The following SLC35F2 variants were observed in gnomAD, a reference collection of about 807,000 sequenced individuals.
The protein encoded by SLC35F2 is queuine/queuosine transporter SLC35F2.
Under a neutral mutation model 38.1 loss-of-function variants are expected in SLC35F2, and 25 were observed. The observed-to-expected ratio is 0.66, with a 90% CI of 0.48 to 0.92. SLC35F2 has a LOEUF of 0.92. Ranked by LOEUF, SLC35F2 falls within the 40% of genes least tolerant of loss-of-function variation. The pLI, the probability that SLC35F2 is intolerant of heterozygous loss-of-function variation, is 0.00. For synonymous variants in SLC35F2, 173 were observed against 181.7 expected, an observed-to-expected ratio of 0.95 and a Z score of 0.38; for missense variants, 409 against 452.9, an observed-to-expected ratio of 0.90 and a Z score of 0.88.
chr11:107,831,678 G>A (rs1416679909), intron 1 of SLC35F2, among the ~76,000 whole-genome samples: 2 of 152,180 alleles, frequency 1.3e-5, no homozygotes, highest in East Asian at 3.8e-4. Flanking sequence ...GTTGTCTTGT[G>A]ACCATCTGTC....
At chr11:107,841,391 T>C (rs1860010362) in intron 1 of SLC35F2, among the ~76,000 whole-genome samples, 1 of 151,940 alleles carries the variant, frequency 6.6e-6, no homozygotes. Context: ...GGTGAAACCC[T>C]GTCTCTACTA....
intron 1 of SLC35F2, among the ~76,000 whole-genome samples, chr11:107,819,345 G>C (rs1280572750): frequency 4.6e-5 from 7 of 152,186 alleles, no homozygotes; most frequent in Non-Finnish European, 1.0e-4. Flanking sequence ...GGAAGGTGAT[G>C]ATGTCAAGAA....
chr11:107,829,137 G>GA lies in SLC35F2; in HGVS notation c.111-13173dup, dbSNP rs145609131. Among the ~76,000 whole-genome samples, 1,413 of 128,586 alleles carry GA rather than the reference G, an allele frequency of 0.011. 42 individuals are homozygous for GA. In the East Asian group the frequency reaches 0.13, roughly 12 times the overall value. 84.4% of individuals were successfully genotyped at this position (128,586 alleles called of 152,430 possible). A position where few individuals can be genotyped will look rare whatever the true frequency, so the allele number is the denominator to read the frequency against. On this transcript the variant is annotated intron_variant, in intron 1 of 7. Transcript: ENST00000525815. ...GGAGGTCAGTAGGAAAAAAAAAAAA[G>GA]AAAAAAAAAAAAAGCTCACACCTGT...
At chr11:107,831,127 G>A (rs186861224) in intron 1 of SLC35F2, among the ~76,000 whole-genome samples, 13 of 152,158 alleles carry the variant, frequency 8.5e-5, no homozygotes, top group South Asian at 6.2e-4. Context: ...AAATGCCACC[G>A]GAGAAAGCTG....
chr11:107,824,539 C>T (rs748563749), intron 1 of SLC35F2, among the ~76,000 whole-genome samples: 4 of 152,180 alleles, frequency 2.6e-5, no homozygotes, highest in African/African-American at 7.2e-5. Context: ...GTAGAGAGTG[C>T]AATTTGGATG....
chr11:107,832,897 T>G (rs564966554), intron 1 of SLC35F2, among the ~76,000 whole-genome samples: 1 of 152,182 alleles, frequency 6.6e-6, no homozygotes, highest in Non-Finnish European at 1.5e-5. Context: ...CAACTCCTCA[T>G]GTTTAATCCT....
intron 7 of SLC35F2, among the ~76,000 whole-genome samples, chr11:107,793,578 A>G (rs892683836): frequency 6.6e-6 from 1 of 152,166 alleles, no homozygotes; most frequent in Non-Finnish European, 1.5e-5. Context: ...GTGCTATTCA[A>G]TGAAATTCAT....
intron 6 of SLC35F2, among the ~76,000 whole-genome samples, chr11:107,803,816 GTTATTT>G (rs1052183925): frequency 1.7e-5 from 2 of 115,062 alleles, no homozygotes; most frequent in Admixed American, 9.1e-5. Flanking sequence ...AGCAATCTAA[GTTATTT>G]TTATTTTTAT....
Position 107,792,364 on chromosome 11 carries a change from C to T in SLC35F2, c.*251G>A. ...CTCTAAGACCCCAGTGTGGAGTCTG[C>T]ACCTCATCTCCTCAACACGAACAGA... On this transcript the variant is annotated 3_prime_UTR_variant, in exon 8 of 8. Transcript: ENST00000525815. 1 of 373,924 alleles carries T rather than the reference C, an allele frequency of 2.7e-6. No homozygotes were observed. The highest frequency in any genetic ancestry group is 4.8e-6 in the Non-Finnish European group (1 of 208,708). 23.2% of individuals were successfully genotyped at this position (373,924 alleles called of 1,614,324 possible).
At chr11:107,794,855 G>C (rs75274540) in intron 7 of SLC35F2, among the ~76,000 whole-genome samples, 2,754 of 152,280 alleles carry the variant, frequency 0.018, 65 homozygotes, top group East Asian at 0.1. Flanking sequence ...ATTAGGTAAA[G>C]TTGTAGGATA....
intron 2 of SLC35F2, 54 bp from the exon 3 acceptor site, chr11:107,811,848 T>A: frequency 6.7e-7 from 1 of 1,501,304 alleles, no homozygotes; most frequent in East Asian, 2.3e-5. Flanking sequence ...ATACCATACA[T>A]GTTGATTTGA....
chr11:107,848,810 T>C (rs1860134194), intron 1 of SLC35F2, among the ~76,000 whole-genome samples: 1 of 152,164 alleles, frequency 6.6e-6, no homozygotes, highest in Non-Finnish European at 1.5e-5. Context: ...TATCCCCTAC[T>C]TGTTTCCCAT....
At chr11:107,841,400 T>C (rs367886021) in intron 1 of SLC35F2, among the ~76,000 whole-genome samples, 16 of 151,914 alleles carry the variant, frequency 1.1e-4, no homozygotes, top group South Asian at 4.2e-4. Flanking sequence ...CTGTCTCTAC[T>C]AAAAATACAA....
Position 107,792,818 on chromosome 11 carries a change from G to A in SLC35F2, c.940-18C>T, listed in dbSNP as rs1859154275. 2 of 1,542,068 alleles carry A rather than the reference G, an allele frequency of 1.3e-6. No homozygotes were observed. The highest frequency in any genetic ancestry group is 1.8e-6 in the Non-Finnish European group (2 of 1,140,382). ...CCTGAAAACTAGAAGGGAAGAACAG[G>A]CAGTGAATTGTGCCCCTCACATACA... On this transcript the variant is annotated intron_variant, in intron 7 of 7. Coordinates refer to ENST00000525815, the MANE Select transcript of SLC35F2 (RefSeq NM_017515.5).
At chr11:107,799,042 C>T (rs529221579) in intron 7 of SLC35F2, among the ~76,000 whole-genome samples, 3 of 152,334 alleles carry the variant, frequency 2.0e-5, no homozygotes, top group South Asian at 2.1e-4. Context: ...CACCACTGCA[C>T]TCCAGCCTGG....
intron 1 of SLC35F2, among the ~76,000 whole-genome samples, chr11:107,818,588 C>T (rs145726442): frequency 0.013 from 1,924 of 152,136 alleles, 18 homozygotes; most frequent in Middle Eastern, 0.02. Context: ...TTTATACAGG[C>T]GGCATCATAC....
chr11:107,800,323 C>T (rs1390920271), intron 7 of SLC35F2, among the ~76,000 whole-genome samples: 1 of 152,074 alleles, frequency 6.6e-6, no homozygotes, highest in Non-Finnish European at 1.5e-5. Flanking sequence ...AAGGTTTACA[C>T]TCCTTAAGCA....
At chr11:107,820,356 T>A (rs571582288) in intron 1 of SLC35F2, among the ~76,000 whole-genome samples, 194 of 150,474 alleles carry the variant, frequency 1.3e-3, no homozygotes, top group African/African-American at 4.4e-3. Flanking sequence ...CTTCCTCTCT[T>A]CCCTGGAAGT....
At chr11:107,825,434 C>A (rs1964681) in intron 1 of SLC35F2, among the ~76,000 whole-genome samples, 6 of 148,204 alleles carry the variant, frequency 4.0e-5, no homozygotes, top group Non-Finnish European at 8.9e-5. Flanking sequence ...TCCAGTGGCA[C>A]GATCGCGGCT....
Sources: gnomAD v4.1 joint callset for allele counts (sites outside exome capture counted in the v4.1 genomes callset) on GRCh38, gnomAD v4.1.1 for gene constraint, MANE v1.5 for transcripts, NCBI Gene and HGNC (gene_info 2026-07-23, HGNC 2026-07-21) for gene names.